The following COPA variants were observed in gnomAD, a reference collection of about 807,000 sequenced individuals.
The protein encoded by COPA is coatomer subunit alpha.
A neutral mutation model predicts 158.7 loss-of-function variants in COPA; 10 were observed. The observed-to-expected ratio is 0.06, with a 90% CI of 0.04 to 0.11. The LOEUF is 0.11. Among genes scored for constraint, COPA ranks in the 10% least tolerant of loss-of-function variants. The pLI, the probability that COPA is intolerant of heterozygous loss-of-function variation, is 1.00. For missense variants in COPA, 1,065 were observed against 1,536.7 expected, an observed-to-expected ratio of 0.69 and a Z score of 5.13; for synonymous variants, 462 against 542.8, an observed-to-expected ratio of 0.85 and a Z score of 2.07.
chr1:160,314,288 T>C (rs1261459570), intron 8 of COPA, among the ~76,000 whole-genome samples, 163 bp from the exon 9 acceptor site: 1 of 152,192 alleles, frequency 6.6e-6, no homozygotes, highest in African/African-American at 2.4e-5. Context: ...TCTCTTAATC[T>C]TTACATGTCT....
chr1:160,318,468 T>TAAAAAA (rs71090307), intron 8 of COPA, among the ~76,000 whole-genome samples: 47 of 15,594 alleles, frequency 3.0e-3, no homozygotes, highest in East Asian at 6.5e-3. Context: ...ACAATATTTG[T>TAAAAAA]AAAAAAAAAA....
intron 24 of COPA, 30 bp from the exon 25 acceptor site, chr1:160,294,623 T>C (rs773784687): frequency 3.2e-5 from 52 of 1,612,122 alleles, no homozygotes. Context: ...TCAAAACAGA[T>C]TTGGGCAGTG....
At chr1:160,303,175 G>A (rs1445103373) in intron 17 of COPA, among the ~76,000 whole-genome samples, 1 of 151,984 alleles carries the variant, frequency 6.6e-6, no homozygotes, top group South Asian at 2.1e-4. Flanking sequence ...CTCCAGCCTG[G>A]GCAACAGAGT....
chr1:160,328,610 C>G (rs1250033031), intron 6 of COPA, among the ~76,000 whole-genome samples: 1 of 152,136 alleles, frequency 6.6e-6, no homozygotes, highest in Non-Finnish European at 1.5e-5. Flanking sequence ...CAGGATTTGG[C>G]AGCAAATTAA....
chr1:160,311,637 C>T (rs1557866952), intron 11 of COPA, among the ~76,000 whole-genome samples: 1 of 151,812 alleles, frequency 6.6e-6, no homozygotes, highest in Non-Finnish European at 1.5e-5. Context: ...AGTCCCAGTA[C>T]TTGGGAGGCT....
intron 17 of COPA, among the ~76,000 whole-genome samples, chr1:160,305,021 C>T (rs183267241): frequency 1.6e-4 from 24 of 152,168 alleles, no homozygotes; most frequent in Admixed American, 5.2e-4. Flanking sequence ...AAAACTAAAT[C>T]ATATTAAGAA....
chr1:160,316,705 G>A (rs1449660865), intron 8 of COPA, among the ~76,000 whole-genome samples: 1 of 150,158 alleles, frequency 6.7e-6, no homozygotes, highest in Admixed American at 6.6e-5. Context: ...AGCTGAGATC[G>A]CACCATTGCA....
intron 17 of COPA, among the ~76,000 whole-genome samples, chr1:160,303,780 T>C (rs1658693063): frequency 6.6e-6 from 1 of 152,148 alleles, no homozygotes; most frequent in African/African-American, 2.4e-5. Context: ...ATTTGCAACA[T>C]GTAGCTCTGA....
chr1:160,324,285 CTTTTT>C (rs750360211), intron 7 of COPA, among the ~76,000 whole-genome samples: 3 of 102,354 alleles, frequency 2.9e-5, no homozygotes, highest in Non-Finnish European at 4.2e-5. Context: ...CTTCTTCATT[CTTTTT>C]TTTTTTTTTT....
chr1:160,301,134 G>A (rs1658586115), intron 17 of COPA, among the ~76,000 whole-genome samples: 2 of 151,696 alleles, frequency 1.3e-5, no homozygotes, highest in Admixed American at 1.3e-4. Flanking sequence ...TCCAGCCTGG[G>A]GTGAGACTCT....
In COPA at chr1:160,290,124, T is replaced by C. The variant is rs745581082; in HGVS notation, c.*33A>G. 1 of 1,607,092 alleles carries C rather than the reference T, an allele frequency of 6.2e-7. No homozygotes were observed. Among genetic ancestry groups the C allele is most frequent in the African/African-American group, 1.3e-5 (1 of 74,856 alleles). Reference sequence around the variant, plus strand: ...ATAGACACATTCTCTGGGGGGAACATATGGTGACTGACCCATGCACACAAA... The same window carrying C: ...ATAGACACATTCTCTGGGGGGAACACATGGTGACTGACCCATGCACACAAA... On this transcript the variant is annotated 3_prime_UTR_variant, in exon 33 of 33. Coordinates refer to ENST00000241704, the MANE Select transcript of COPA (RefSeq NM_004371.4).
chr1:160,311,439 A>C (rs1658963814), intron 11 of COPA, among the ~76,000 whole-genome samples: 1 of 142,432 alleles, frequency 7.0e-6, no homozygotes, highest in Non-Finnish European at 1.5e-5. Context: ...CTCCATCTCA[A>C]AAAAAAAAAA....
At chr1:160,318,468 TAAAAA>T (rs71090307) in intron 8 of COPA, among the ~76,000 whole-genome samples, 3 of 15,676 alleles carry the variant, frequency 1.9e-4, no homozygotes, top group African/African-American at 5.8e-4. Flanking sequence ...ACAATATTTG[TAAAAA>T]AAAAAAAAAA....
At chr1:160,306,843 T>C (rs1658800537) in intron 14 of COPA, among the ~76,000 whole-genome samples, 1 of 152,188 alleles carries the variant, frequency 6.6e-6, no homozygotes, top group Non-Finnish European at 1.5e-5. Flanking sequence ...CAAGTAACAA[T>C]GGAGGCAGCA....
intron 3 of COPA, among the ~76,000 whole-genome samples, chr1:160,338,855 C>T (rs994569061): frequency 1.3e-5 from 2 of 152,164 alleles, no homozygotes; most frequent in South Asian, 2.1e-4. Context: ...TCTTATTCAA[C>T]GTACTCCTTG....
At chr1:160,341,126 A>C (rs1398675049) in intron 1 of COPA, among the ~76,000 whole-genome samples, 1 of 152,230 alleles carries the variant, frequency 6.6e-6, no homozygotes, top group African/African-American at 2.4e-5. Context: ...TGTATAGTTA[A>C]GGTGGGAAGG....
In COPA at chr1:160,343,229, C is replaced by T. The variant is rs1448354823; in HGVS notation, c.-59G>A. 6 of 1,608,526 alleles carry T rather than the reference C, an allele frequency of 3.7e-6. No homozygotes were observed. Among genetic ancestry groups the T allele is most frequent in the African/African-American group, 1.3e-5 (1 of 74,820 alleles). Reference sequence around the variant, plus strand: ...AGCCCCGACACACCCTGCTGCCCTTCGGACGCCTCCACGTCAGCGACCCTC... The same window carrying T: ...AGCCCCGACACACCCTGCTGCCCTTTGGACGCCTCCACGTCAGCGACCCTC... On this transcript the variant is annotated 5_prime_UTR_variant, in exon 1 of 33. Transcript: ENST00000241704.
chr1:160,293,364 T>C, intron 26 of COPA, 22 bp downstream of exon 26: 1 of 1,613,412 alleles, frequency 6.2e-7, no homozygotes, highest in South Asian at 1.1e-5. Context: ...ATCCCTGCCG[T>C]GCTAGGTTTC....
At chr1:160,312,937 AG>A (rs1659013436) in intron 10 of COPA, 147 bp downstream of exon 10, 1 of 674,118 alleles carries the variant, frequency 1.5e-6, no homozygotes, top group Admixed American at 3.0e-5. Flanking sequence ...GAAGAAAAAA[AG>A]GAGAAAAGCT....
Sources: allele counts gnomAD v4.1 joint callset (sites outside exome capture counted in the v4.1 genomes callset), GRCh38; gene constraint gnomAD v4.1.1; transcripts MANE v1.5; gene names NCBI Gene and HGNC (gene_info 2026-07-23, HGNC 2026-07-21).